Variants in RBFOX1 observed in about 807,000 individuals in gnomAD.
RBFOX1 encodes RNA binding fox-1 homolog 1.
RBFOX1 carries 8 observed loss-of-function variants against 57.7 expected under a neutral mutation model. The observed-to-expected ratio is 0.14, with a 90% CI of 0.08 to 0.25. RBFOX1 has a LOEUF of 0.25. RBFOX1 is among the 10% of genes least tolerant of loss of function. The pLI, the probability that RBFOX1 is intolerant of heterozygous loss-of-function variation, is 1.00. For synonymous variants in RBFOX1, 326 were observed against 222.4 expected, an observed-to-expected ratio of 1.47 and a Z score of -4.15; for missense variants, 611 against 548.5, an observed-to-expected ratio of 1.11 and a Z score of -1.14.
At chr16:6,694,062 G>T (rs984535880) in intron 3 of RBFOX1, among the ~76,000 whole-genome samples, 9 of 152,170 alleles carry the variant, frequency 5.9e-5, no homozygotes, top group Non-Finnish European at 8.8e-5. Flanking sequence ...CTACTCAGAT[G>T]CTGAAATGTT....
At chr16:6,219,352 G>C (rs1317912756) in intron 1 of RBFOX1, among the ~76,000 whole-genome samples, 3 of 152,106 alleles carry the variant, frequency 2.0e-5, no homozygotes, top group African/African-American at 7.2e-5. Flanking sequence ...GGTCACCAGG[G>C]CCCAGCTACT....
chr16:6,307,738 T>A (rs1006578816), intron 1 of RBFOX1, among the ~76,000 whole-genome samples: 2 of 147,266 alleles, frequency 1.4e-5, no homozygotes, highest in Admixed American at 1.4e-4. Context: ...GATAATTATT[T>A]CCATATTTTA....
Position 5,609,124 on chromosome 16 carries a change from A to G in RBFOX1, c.318+10163A>G, listed in dbSNP as rs140953528. 3.3e-5 allele frequency among the ~76,000 whole-genome samples: 5 copies of G among 152,302 alleles called. No homozygotes were observed. In the East Asian group the frequency reaches 9.7e-4, roughly 29 times the overall value. On this transcript the variant is annotated intron_variant, in intron 3 of 19. Coordinates refer to the RBFOX1 transcript ENST00000641259. ...AGTAATGATTTTGCTAAGAAATAAA[A>G]TTATTGGAGGGAGGGGAGAGGGCTC...
chr16:7,011,132 T>G (rs963207169), intron 3 of RBFOX1, among the ~76,000 whole-genome samples: 3 of 152,162 alleles, frequency 2.0e-5, no homozygotes, highest in African/African-American at 7.2e-5. Flanking sequence ...GGCTGTGTCT[T>G]ACATAGTTGA....
chr16:7,321,363 C>A (rs1211947873), intron 4 of RBFOX1, among the ~76,000 whole-genome samples: 1 of 152,130 alleles, frequency 6.6e-6, no homozygotes, highest in East Asian at 1.9e-4. Context: ...TCAGGCTGTT[C>A]TTGAACTCCT....
In RBFOX1 at chr16:7,220,009, T is replaced by C. The variant is rs1163257418; in HGVS notation, c.27+167911T>C. 4.6e-5 allele frequency among the ~76,000 whole-genome samples: 7 copies of C among 152,226 alleles called. No individual in the cohort carries two copies. In the East Asian group the frequency reaches 1.3e-3, roughly 29 times the overall value. On this transcript the variant is annotated intron_variant, in intron 4 of 15. Transcript: ENST00000550418. ...TGGTTTTTGTTAATGTGGTGTATCT[T>C]GTTCGATTAAGCCTTCATTTTAAAA...
At chr16:5,250,505 G>C (rs1209809996) in intron 1 of RBFOX1, among the ~76,000 whole-genome samples, 1 of 152,128 alleles carries the variant, frequency 6.6e-6, no homozygotes, top group Non-Finnish European at 1.5e-5. Context: ...TCCCACTTAT[G>C]AGTGAGAACA....
intron 1 of RBFOX1, among the ~76,000 whole-genome samples, chr16:6,162,353 G>T (rs1446618288): frequency 1.3e-5 from 2 of 152,146 alleles, no homozygotes; most frequent in Non-Finnish European, 2.9e-5. Flanking sequence ...GGCCTTATGT[G>T]ATCCACCTGC....
At chr16:7,109,457 G>C (rs976531766) in intron 4 of RBFOX1, among the ~76,000 whole-genome samples, 1 of 152,098 alleles carries the variant, frequency 6.6e-6, no homozygotes, top group African/African-American at 2.4e-5. Context: ...GAGGCCCCCA[G>C]GTGGATGTAT....
At chr16:6,667,570 C>T (rs1233357340) in intron 3 of RBFOX1, among the ~76,000 whole-genome samples, 2 of 152,194 alleles carry the variant, frequency 1.3e-5, no homozygotes, top group South Asian at 2.1e-4. Context: ...CTTGGCTAGG[C>T]ACAGGATGCA....
At chr16:5,687,104 T>A (rs985231185) in intron 3 of RBFOX1, among the ~76,000 whole-genome samples, 1 of 152,192 alleles carries the variant, frequency 6.6e-6, no homozygotes, top group Admixed American at 6.5e-5. Flanking sequence ...AAGCCTCTTT[T>A]CCTTATAAAT....
At chr16:6,418,519 ATTTTTTTTT>A (rs567448072) in intron 2 of RBFOX1, among the ~76,000 whole-genome samples, 55 of 100,952 alleles carry the variant, frequency 5.4e-4, no homozygotes, top group Middle Eastern at 5.7e-3. Flanking sequence ...TGCAAGCCTT[ATTTTTTTTT>A]TTTTTTTTTT....
intron 4 of RBFOX1, among the ~76,000 whole-genome samples, chr16:7,054,349 C>T (rs1409965351): frequency 6.9e-6 from 1 of 144,554 alleles, no homozygotes; most frequent in African/African-American, 2.5e-5. Context: ...AAGCAATTCT[C>T]GTGCCTCAGC....
In RBFOX1 at chr16:6,900,139, CTGGTGG is replaced by C. The variant is rs141852850; in HGVS notation, c.-15-151904_-15-151899del. ...TATTTGAGTTTTTCTTTAGTTATTG[CTGGTGG>C]TGGTGGTGGTGGTATTGTTCATGTT... On this transcript the variant is annotated intron_variant, in intron 3 of 15. Transcript: ENST00000550418. Among the ~76,000 whole-genome samples, 3 of 151,942 alleles carry C rather than the reference CTGGTGG, an allele frequency of 2.0e-5. 1 individual carries two copies. Among genetic ancestry groups the C allele is most frequent in the African/African-American group, 7.3e-5 (3 of 41,302 alleles).
At chr16:6,487,572 G>C (rs1472607068) in intron 2 of RBFOX1, among the ~76,000 whole-genome samples, 3 of 149,408 alleles carry the variant, frequency 2.0e-5, no homozygotes, top group Non-Finnish European at 4.4e-5. Context: ...GAATCTGTCG[G>C]CAAGCTCCAA....
chr16:6,109,841 C>T (rs1314704401), intron 1 of RBFOX1, among the ~76,000 whole-genome samples: 1 of 152,176 alleles, frequency 6.6e-6, no homozygotes, highest in Non-Finnish European at 1.5e-5. Context: ...TTCAATTTTA[C>T]ATCAAATAGG....
chr16:5,349,322 A>C lies in RBFOX1; in HGVS notation c.219+109217A>C, dbSNP rs117429863. Among the ~76,000 whole-genome samples, 1,426 of 152,308 alleles carry C rather than the reference A, an allele frequency of 9.4e-3. 21 individuals carry two copies. Among genetic ancestry groups the C allele is most frequent in the Non-Finnish European group, 0.015 (1,028 of 68,020 alleles). Reference sequence around the variant, plus strand: ...ACAAAGTTTCAGTTATGCAAGATGCATATGTTGTAAATGCTGTACAACATT... The same window carrying C: ...ACAAAGTTTCAGTTATGCAAGATGCCTATGTTGTAAATGCTGTACAACATT... On this transcript the variant is annotated intron_variant, in intron 1 of 2. Transcript: ENST00000585867.
intron 2 of RBFOX1, among the ~76,000 whole-genome samples, chr16:5,554,668 G>A (rs752278927): frequency 2.0e-5 from 3 of 152,136 alleles, no homozygotes; most frequent in Admixed American, 1.3e-4. Context: ...TAAGACAAAT[G>A]AATTGGTTAG....
intron 4 of RBFOX1, among the ~76,000 whole-genome samples, chr16:7,471,618 G>A (rs1379681086): frequency 6.6e-6 from 1 of 152,108 alleles, no homozygotes; most frequent in Non-Finnish European, 1.5e-5. Context: ...GGGTGGAGAT[G>A]GCTTCTTTAC....
Sources: gnomAD v4.1 joint callset for allele counts (sites outside exome capture counted in the v4.1 genomes callset) on GRCh38, gnomAD v4.1.1 for gene constraint, MANE v1.5 for transcripts, NCBI Gene and HGNC (gene_info 2026-07-23, HGNC 2026-07-21) for gene names.